MACROD2: variants seen among roughly 807,000 people sequenced by gnomAD.
The protein encoded by MACROD2 is ADP-ribose glycohydrolase MACROD2.
A neutral mutation model predicts 70.4 loss-of-function variants in MACROD2; 36 were observed. The observed-to-expected ratio is 0.51, with a 90% confidence interval of 0.39 to 0.68. MACROD2 has a LOEUF of 0.68. Ranked by LOEUF, MACROD2 falls within the 30% of genes least tolerant of loss-of-function variation. The pLI is 0.00. For missense variants in MACROD2, 496 were observed against 538.4 expected, an observed-to-expected ratio of 0.92 and a Z score of 0.78; for synonymous variants, 172 against 178.8, an observed-to-expected ratio of 0.96 and a Z score of 0.30.
intron 8 of MACROD2, among the ~76,000 whole-genome samples, chr20:15,676,985 C>A (rs2050066219): frequency 6.6e-6 from 1 of 152,116 alleles, no homozygotes; most frequent in Non-Finnish European, 1.5e-5. Context: ...TTTTGAATGA[C>A]CACTAACTAT....
chr20:15,748,228 G>T (rs117314208), intron 8 of MACROD2, among the ~76,000 whole-genome samples: 167 of 152,236 alleles, frequency 1.1e-3, no homozygotes, highest in Non-Finnish European at 2.0e-3. Flanking sequence ...ATGGGGCACT[G>T]TCAGTCTGGG....
intron 6 of MACROD2, among the ~76,000 whole-genome samples, chr20:15,413,047 T>G (rs1270600263): frequency 6.6e-6 from 1 of 152,210 alleles, no homozygotes; most frequent in African/African-American, 2.4e-5. Context: ...CCATTAGTAT[T>G]AAAAAAGTAT....
At chr20:15,003,393 G>A (rs1292477951) in intron 5 of MACROD2, among the ~76,000 whole-genome samples, 1 of 152,056 alleles carries the variant, frequency 6.6e-6, no homozygotes, top group Non-Finnish European at 1.5e-5. Context: ...TTACAAAAAT[G>A]AACAAAATTA....
intron 4 of MACROD2, among the ~76,000 whole-genome samples, chr20:14,546,210 C>A (rs1202759004): frequency 6.6e-6 from 1 of 151,904 alleles, no homozygotes; most frequent in Non-Finnish European, 1.5e-5. Flanking sequence ...AAATTTGTTG[C>A]AAATGGAAAT....
At chr20:15,909,499 T>A (rs1166503705) in intron 10 of MACROD2, among the ~76,000 whole-genome samples, 1 of 148,664 alleles carries the variant, frequency 6.7e-6, no homozygotes, top group East Asian at 2.0e-4. Flanking sequence ...ATCATACACA[T>A]AAGTACATAA....
At chr20:14,931,731 C>T (rs1039222888) in intron 5 of MACROD2, among the ~76,000 whole-genome samples, 1 of 122,592 alleles carries the variant, frequency 8.2e-6, no homozygotes, top group African/African-American at 2.7e-5. Flanking sequence ...TGGTGGCTTA[C>T]ACCTGGCGTG....
intron 12 of MACROD2, among the ~76,000 whole-genome samples, chr20:15,954,951 C>T (rs2065956113): frequency 6.6e-6 from 1 of 152,148 alleles, no homozygotes; most frequent in South Asian, 2.1e-4. Flanking sequence ...ACATAGCTGG[C>T]CTGAGGCCAC....
chr20:15,115,834 C>T (rs2075987867), intron 5 of MACROD2, among the ~76,000 whole-genome samples: 1 of 152,018 alleles, frequency 6.6e-6, no homozygotes, highest in Non-Finnish European at 1.5e-5. Flanking sequence ...CAGAATGGCT[C>T]CCAGCAGTAA....
At chr20:14,147,234 C>G (rs2054954175) in intron 3 of MACROD2, among the ~76,000 whole-genome samples, 1 of 152,096 alleles carries the variant, frequency 6.6e-6, no homozygotes, top group Non-Finnish European at 1.5e-5. Flanking sequence ...AATACATTTC[C>G]CAAGGTGGCA....
intron 3 of MACROD2, among the ~76,000 whole-genome samples, chr20:14,130,806 T>G (rs895999281): frequency 6.6e-6 from 1 of 152,168 alleles, no homozygotes; most frequent in African/African-American, 2.4e-5. Context: ...TGGAGATAAA[T>G]TATGAACATT....
chr20:15,105,857 C>T (rs1359887499), intron 5 of MACROD2, among the ~76,000 whole-genome samples: 1 of 152,094 alleles, frequency 6.6e-6, no homozygotes, highest in Non-Finnish European at 1.5e-5. Context: ...GGCTAAGGAA[C>T]ATGTCTAAGT....
chr20:15,228,558 C>T (rs1225912177), intron 5 of MACROD2, among the ~76,000 whole-genome samples: 3 of 141,642 alleles, frequency 2.1e-5, no homozygotes, highest in African/African-American at 8.0e-5. Context: ...GGTGCAATCT[C>T]GGCTCACTGC....
At chr20:14,592,037 C>T (rs942742685) in intron 4 of MACROD2, among the ~76,000 whole-genome samples, 6 of 152,052 alleles carry the variant, frequency 3.9e-5, no homozygotes, top group Non-Finnish European at 8.8e-5. Context: ...GAGAGGACTG[C>T]AGTGGAAGGA....
intron 3 of MACROD2, among the ~76,000 whole-genome samples, chr20:14,244,079 C>T (rs1261751873): frequency 6.6e-6 from 1 of 152,174 alleles, no homozygotes; most frequent in African/African-American, 2.4e-5. Flanking sequence ...GTCTAGGCTT[C>T]TTTCTAAGTG....
chr20:14,706,215 G>A (rs1190090301), intron 5 of MACROD2, among the ~76,000 whole-genome samples: 1 of 151,952 alleles, frequency 6.6e-6, no homozygotes, highest in Non-Finnish European at 1.5e-5. Flanking sequence ...TGTGGAGGCT[G>A]AGGCAGGAGA....
At chr20:14,708,721 G>A (rs528297582) in intron 5 of MACROD2, among the ~76,000 whole-genome samples, 65 of 152,192 alleles carry the variant, frequency 4.3e-4, no homozygotes, top group African/African-American at 1.2e-3. Flanking sequence ...ACGTTCAAGC[G>A]ATTCTCCTGC....
At position 15,837,907 on chromosome 20, in the gene MACROD2, C is replaced by A. The variant is rs181358814; in HGVS notation, c.646-24838C>A. Among the ~76,000 whole-genome samples, 5 of 152,216 alleles carry A rather than the reference C, an allele frequency of 3.3e-5. No homozygotes were observed. In the East Asian group the frequency reaches 9.7e-4, roughly 29 times the overall value. On this transcript the variant is annotated intron_variant, in intron 8 of 17. Coordinates refer to ENST00000684519, the MANE Select transcript of MACROD2 (RefSeq NM_001351661.2). ...TTAGCCCATCATCAACTGCTTAGCC[C>A]ATCATCAATTGAAAATAATCAGATA...
chr20:15,790,389 T>G (rs1253999573), intron 8 of MACROD2, among the ~76,000 whole-genome samples: 6 of 151,954 alleles, frequency 3.9e-5, no homozygotes, highest in East Asian at 1.9e-4. Flanking sequence ...GCACATGTAA[T>G]TCAATATGAG....
At chr20:15,451,815 C>G (rs2146394895) in intron 7 of MACROD2, among the ~76,000 whole-genome samples, 1 of 152,296 alleles carries the variant, frequency 6.6e-6, no homozygotes, top group South Asian at 2.1e-4. Context: ...CGCTCTGCAT[C>G]TCAGGACTTG....
Sources: allele counts gnomAD v4.1 joint callset (sites outside exome capture counted in the v4.1 genomes callset), GRCh38; gene constraint gnomAD v4.1.1; transcripts MANE v1.5; gene names NCBI Gene and HGNC (gene_info 2026-07-23, HGNC 2026-07-21).